The following WARS2 variants were observed in gnomAD, a reference collection of about 807,000 sequenced individuals.
The protein encoded by WARS2 is tryptophan--tRNA ligase, mitochondrial.
In WARS2, 28 loss-of-function variants were observed where a neutral mutation model predicts 36.5. That is an observed-to-expected ratio of 0.77 (90% CI 0.57 to 1.05). The LOEUF (loss-of-function observed/expected upper bound fraction) is 1.05. WARS2 is among the 50% of genes least tolerant of loss of function. The pLI is 0.00. For missense variants in WARS2, 435 were observed against 456.8 expected (o/e 0.95, Z 0.44); for synonymous variants, 174 against 178.4 (o/e 0.98, Z 0.20).
At chr1:119,099,337 T>G (rs1226153562) in intron 1 of WARS2, among the ~76,000 whole-genome samples, 1 of 151,838 alleles carries the variant, frequency 6.6e-6, no homozygotes, top group African/African-American at 2.4e-5. Context: ...TGTGTTTAGG[T>G]TTTTTAATCC....
chr1:119,101,932 A>C (rs1221983996), intron 1 of WARS2, among the ~76,000 whole-genome samples: 1 of 152,094 alleles, frequency 6.6e-6, no homozygotes, highest in Non-Finnish European at 1.5e-5. Flanking sequence ...CAACACACAC[A>C]ATTTTGGGCT....
rs1175673856 is a variant in WARS2 at position 119,042,173 on chromosome 1, C to T, written c.515+91G>A. 4.1e-6 allele frequency: 5 copies of T among 1,206,808 alleles called. No homozygotes were observed. In the African/African-American group the frequency reaches 4.5e-5, roughly 11 times the overall value. The allele number at this position is 1,206,808 out of a possible 1,614,324, so 74.8% of individuals were successfully genotyped here. On this transcript the variant is annotated intron_variant, in intron 4 of 5. Transcript: ENST00000235521. ...ATGTCTGACGCTTTCTGCACTTCCC[C>T]TTGCCCATGAACCAAGTCTGTATTG...
At chr1:119,104,657 G>C in intron 1 of WARS2, among the ~76,000 whole-genome samples, 1 of 150,878 alleles carries the variant, frequency 6.6e-6, no homozygotes, top group South Asian at 2.1e-4. Context: ...ACAGAGTAAT[G>C]GAGAATTCCC....
chr1:119,055,734 AGAG>A (rs1473037518), intron 2 of WARS2, among the ~76,000 whole-genome samples: 1 of 149,816 alleles, frequency 6.7e-6, no homozygotes, highest in African/African-American at 2.4e-5. Flanking sequence ...GAGGAGGAGA[AGAG>A]GGAGGGAGGG....
chr1:119,131,078 T>C (rs926208413), intron 1 of WARS2, among the ~76,000 whole-genome samples: 3 of 152,182 alleles, frequency 2.0e-5, no homozygotes, highest in African/African-American at 7.2e-5. Flanking sequence ...AAGGATGTAT[T>C]TTTTTCTATA....
intron 1 of WARS2, chr1:119,085,254 CG>C: frequency 1.1e-6 from 1 of 893,470 alleles, no homozygotes; most frequent in Non-Finnish European, 1.9e-6. Context: ...CTCCCTCTCT[CG>C]GTTCTCTGCC....
At chr1:119,137,738 G>A (rs1218622954) in intron 1 of WARS2, among the ~76,000 whole-genome samples, 2 of 152,122 alleles carry the variant, frequency 1.3e-5, no homozygotes, top group Middle Eastern at 3.2e-3. Flanking sequence ...GGCAACACCT[G>A]GCAAAATAAA....
At chr1:119,095,202 A>T (rs1362018409) in intron 1 of WARS2, among the ~76,000 whole-genome samples, 1 of 152,192 alleles carries the variant, frequency 6.6e-6, no homozygotes, top group Non-Finnish European at 1.5e-5. Context: ...CTCAGTCACT[A>T]CCTTAGTTTA....
intron 2 of WARS2, chr1:119,063,455 C>T (rs938287278): frequency 2.0e-5 from 3 of 152,150 alleles, no homozygotes; most frequent in Admixed American, 6.5e-5. Context: ...GCATAAGTAG[C>T]AAGGAGCCTA....
chr1:119,089,288 G>A (rs1571342749), intron 1 of WARS2, among the ~76,000 whole-genome samples: 1 of 152,136 alleles, frequency 6.6e-6, no homozygotes, highest in African/African-American at 2.4e-5. Flanking sequence ...CCAACCTGTA[G>A]ACTGATATAA....
At chr1:119,037,409 CT>C (rs1647974950) in intron 4 of WARS2, among the ~76,000 whole-genome samples, 1 of 152,142 alleles carries the variant, frequency 6.6e-6, no homozygotes, top group Non-Finnish European at 1.5e-5. Flanking sequence ...CTTATTATTT[CT>C]TTTTCTACTT....
intron 1 of WARS2, among the ~76,000 whole-genome samples, chr1:119,112,895 G>A (rs918042302): frequency 2.6e-5 from 4 of 152,162 alleles, no homozygotes; most frequent in Admixed American, 6.5e-5. Context: ...TTTGCTGAGT[G>A]CACACAACAG....
intron 4 of WARS2, among the ~76,000 whole-genome samples, chr1:119,036,584 GCAAC>G (rs1254840056): frequency 6.6e-6 from 1 of 152,138 alleles, no homozygotes; most frequent in African/African-American, 2.4e-5. Context: ...ACAATGGACT[GCAAC>G]CAACACAGAA....
intron 1 of WARS2, 155 bp downstream of exon 1, chr1:119,140,400 T>C: frequency 1.7e-6 from 1 of 576,114 alleles, no homozygotes; most frequent in Non-Finnish European, 2.9e-6. Flanking sequence ...CACTACGCTC[T>C]GAGCAGGCCG....
chr1:119,033,356 G>C lies in WARS2; in HGVS notation c.638C>G (p.Ser213Cys), dbSNP rs1465954492. The C allele has an allele frequency of 6.2e-7, 1 of 1,614,106 alleles. No homozygotes were observed. The highest frequency in any genetic ancestry group is 8.5e-7 in the Non-Finnish European group (1 of 1,180,016). The change falls in exon 6 of 6, where the codon TCC becomes TGC. Residue 213 changes from serine (S) to cysteine (C), a missense_variant. Transcript: ENST00000235521. ...ACGTAGGGATTTTACCTTCTTCATG[G>C]ATGCTAGGTTAAAAACACCAACACA... ...FFPVPESILT[S>C]MKKVKSLRDP...
chr1:119,122,087 T>C (rs1023258766), intron 1 of WARS2, among the ~76,000 whole-genome samples: 12 of 152,060 alleles, frequency 7.9e-5, no homozygotes, highest in Admixed American at 2.6e-4. Flanking sequence ...AAAACAATAA[T>C]CAGCAGAGTA....
At chr1:119,068,608 G>C (rs1464461997) in intron 2 of WARS2, among the ~76,000 whole-genome samples, 2 of 152,126 alleles carry the variant, frequency 1.3e-5, no homozygotes, top group Non-Finnish European at 2.9e-5. Flanking sequence ...AGTGCCTAGA[G>C]CTATGTCCTC....
chr1:119,108,039 G>A (rs1030740663), intron 1 of WARS2, among the ~76,000 whole-genome samples: 2 of 151,918 alleles, frequency 1.3e-5, no homozygotes, highest in African/African-American at 4.8e-5. Context: ...ACTTGATTAT[G>A]GTGTATAATT....
rs374079759 is a variant in WARS2, at chr1:119,066,565, C to T, written c.348+9785G>A. 1.0e-4 allele frequency among the ~76,000 whole-genome samples: 15 copies of T among 148,018 alleles called. No homozygotes were observed. The South Asian group carries it at 3.2e-3, about 32-fold the overall frequency. On this transcript the variant is annotated intron_variant, in intron 2 of 5. Coordinates refer to ENST00000235521, the MANE Select transcript of WARS2 (RefSeq NM_015836.4). ...ATTGGTACTCAGAATATGTAAAGAA[C>T]CTCTACAAATCAATAGGAAAATACA...
Sources: allele counts gnomAD v4.1 joint callset (sites outside exome capture counted in the v4.1 genomes callset), GRCh38; gene constraint gnomAD v4.1.1; transcripts MANE v1.5; gene names NCBI Gene and HGNC (gene_info 2026-07-23, HGNC 2026-07-21).